Variants in ADGRE2 observed in about 807,000 individuals in gnomAD.
ADGRE2 encodes the protein adhesion G protein-coupled receptor E2.
Under a neutral mutation model 100.8 loss-of-function variants are expected in ADGRE2, and 83 were observed. The observed-to-expected ratio is 0.82, with a 90% CI of 0.69 to 0.99. The LOEUF is 0.99. ADGRE2 is among the 50% of genes least tolerant of loss of function. The probability of loss-of-function intolerance (pLI) is 0.00; values close to 1 mark genes in which losing one functional copy is unlikely to be tolerated. For synonymous variants in ADGRE2, 355 were observed against 413.0 expected (o/e 0.86, Z 1.70); for missense variants, 814 against 1,035.7 (o/e 0.79, Z 2.94).
At chr19:14,729,236 T>G (rs926669526), downstream of ADGRE2, among the ~76,000 whole-genome samples, 1 of 152,124 alleles carries the variant, frequency 6.6e-6, no homozygotes, top group Non-Finnish European at 1.5e-5. Flanking sequence ...ACTGTGACCT[T>G]ATTGGCCAGA....
chr19:14,735,376 C>G lies in ADGRE2; in HGVS notation c.*860G>C, dbSNP rs1264505712. The G allele has an allele frequency of 2.0e-5, 3 of 152,132 alleles. No individual in the cohort carries two copies. The highest frequency in any genetic ancestry group is 2.9e-5 in the Non-Finnish European group (2 of 68,042). 9.4% of individuals were successfully genotyped at this position (152,132 alleles called of 1,614,324 possible). The stretch of plus-strand genomic sequence containing the variant: ...AAGTGCTAGGATTACAGGGCATGAA[C>G]TGTGCCATACCCATCTTCGAGGTTT... On this transcript the variant is annotated 3_prime_UTR_variant, in exon 21 of 21. Coordinates refer to ENST00000315576, the MANE Select transcript of ADGRE2 (RefSeq NM_013447.4).
chr19:14,771,118 C>T (rs551994674), intron 5 of ADGRE2, among the ~76,000 whole-genome samples: 25 of 152,258 alleles, frequency 1.6e-4, no homozygotes, highest in Admixed American at 1.0e-3. Flanking sequence ...GCTCTCAGAA[C>T]GTACACCTCT....
rs1014571711 is a variant in ADGRE2, at chr19:14,758,719, C to T, written c.1085-2374G>A. ...ATAACACGGTGAAACCCCGTCTCTA[C>T]TAAAAATACAAAAAAATTAGCTGGG... On this transcript the variant is annotated intron_variant, in intron 11 of 20. Coordinates refer to ENST00000315576, the MANE Select transcript of ADGRE2 (RefSeq NM_013447.4). Among the ~76,000 whole-genome samples the T allele has an allele frequency of 4.6e-5, 7 of 152,076 alleles. No individual in the cohort carries two copies. In the South Asian group the frequency reaches 1.5e-3, roughly 32 times the overall value.
At chr19:14,740,825 C>G (rs1375646930) in intron 20 of ADGRE2, among the ~76,000 whole-genome samples, 1 of 152,136 alleles carries the variant, frequency 6.6e-6, no homozygotes, top group Admixed American at 6.5e-5. Context: ...TGGCCTTGAA[C>G]TCCTGGGCTC....
chr19:14,773,884 G>T, intron 4 of ADGRE2, 54 bp downstream of exon 4: 2 of 1,518,084 alleles, frequency 1.3e-6, no homozygotes, highest in Non-Finnish European at 1.8e-6. Context: ...CACTGGCACT[G>T]GGCTATGCCT....
At chr19:14,748,618 T>A (rs1169699462) in intron 16 of ADGRE2, among the ~76,000 whole-genome samples, 1 of 152,234 alleles carries the variant, frequency 6.6e-6, no homozygotes, top group Admixed American at 6.5e-5. Flanking sequence ...ATCTCCTTAT[T>A]CTTTATGGCT....
intron 14 of ADGRE2, among the ~76,000 whole-genome samples, chr19:14,753,112 T>G (rs1028895753): frequency 2.6e-5 from 4 of 152,002 alleles, no homozygotes; most frequent in African/African-American, 7.2e-5. Context: ...CTTTCTGTGT[T>G]GCACAGGCTG....
intron 14 of ADGRE2, among the ~76,000 whole-genome samples, chr19:14,753,027 C>G (rs1003849691): frequency 6.6e-6 from 1 of 152,058 alleles, no homozygotes; most frequent in African/African-American, 2.4e-5. Flanking sequence ...GCCTCGGCCT[C>G]CCAAAGTGCT....
intron 5 of ADGRE2, 86 bp downstream of exon 5, chr19:14,772,256 A>G (rs780209359): frequency 2.1e-4 from 336 of 1,571,020 alleles, no homozygotes; most frequent in Admixed American, 5.2e-4. Flanking sequence ...ATACTTGGGT[A>G]CCTGCTCCCT....
Position 14,752,508 on chromosome 19 carries a change from T to C in ADGRE2, c.1609A>G (p.Thr537Ala). The C allele has an allele frequency of 6.2e-7, 1 of 1,614,076 alleles. No homozygotes were observed. The highest frequency in any genetic ancestry group is 8.5e-7 in the Non-Finnish European group (1 of 1,179,982). The change falls in exon 15 of 21, where the codon ACT becomes GCT. Residue 537 changes from threonine (T) to alanine (A), a missense_variant. Thr to Ala is a moderately conservative substitution (Grantham distance 58). Coordinates refer to ENST00000315576, the MANE Select transcript of ADGRE2 (RefSeq NM_013447.4). The part of the protein sequence containing the change: ...YDVQEEDPVL[T>A]VITYMGLSVS... ...CTCAGCCCCATGTAGGTGATGACAG[T>C]CAGCACGGGATCCTCCTCCTGGGAC...
chr19:14,766,171 G>A (rs749060285), intron 7 of ADGRE2, 64 bp downstream of exon 7: 25 of 1,611,760 alleles, frequency 1.6e-5, no homozygotes, highest in African/African-American at 2.7e-5. Flanking sequence ...GTTTGTGTGG[G>A]CGCCGTTGAA....
chr19:14,752,083 G>C (rs192479956), intron 15 of ADGRE2, among the ~76,000 whole-genome samples: 1 of 151,768 alleles, frequency 6.6e-6, no homozygotes, highest in Non-Finnish European at 1.5e-5. Flanking sequence ...ACAGGTATGC[G>C]CCACCATGCC....
chr19:14,754,083 A>ATTATCTATCTATCTATCTATCT (rs1439966412), intron 14 of ADGRE2, among the ~76,000 whole-genome samples: 1 of 150,048 alleles, frequency 6.7e-6, no homozygotes, highest in African/African-American at 2.5e-5. Context: ...GCAGGCAGAA[A>ATTATCTATCTATCTATCTATCT]AATGTGAAAA....
chr19:14,750,176 A>G (rs910726866), intron 16 of ADGRE2, among the ~76,000 whole-genome samples: 3 of 119,586 alleles, frequency 2.5e-5, no homozygotes, highest in Non-Finnish European at 3.3e-5. Flanking sequence ...GCTATGTTAT[A>G]TAATTATTTA....
At chr19:14,757,879 C>A (rs948309965) in intron 11 of ADGRE2, among the ~76,000 whole-genome samples, 1 of 152,338 alleles carries the variant, frequency 6.6e-6, no homozygotes, top group Admixed American at 6.5e-5. Context: ...TCTCAGCTCA[C>A]TGCAACCTCC....
At chr19:14,758,296 T>A (rs999146254) in intron 11 of ADGRE2, among the ~76,000 whole-genome samples, 3 of 152,186 alleles carry the variant, frequency 2.0e-5, no homozygotes, top group African/African-American at 7.2e-5. Flanking sequence ...TATCAGAATG[T>A]TTAAAGAATG....
chr19:14,736,311 G>T lies in ADGRE2; in HGVS notation c.2464-67C>A, dbSNP rs919854763. ...AGTTTCACTCTTGTTGCCTGGGCTGGAGTGCAATGGCGCAGCCTCGACTCA... is the reference window on the plus strand; with the variant it reads ...AGTTTCACTCTTGTTGCCTGGGCTGTAGTGCAATGGCGCAGCCTCGACTCA... On this transcript the variant is annotated intron_variant, in intron 20 of 20. Transcript: ENST00000315576. 1.2e-4 allele frequency: 125 copies of T among 1,074,534 alleles called. 2 individuals are homozygous for T. Among genetic ancestry groups the T allele is most frequent in the Middle Eastern group, 4.2e-4 (2 of 4,714 alleles). The allele number at this position is 1,074,534 out of a possible 1,614,324, so 66.6% of individuals were successfully genotyped here. A position where few individuals can be genotyped will look rare whatever the true frequency, so the allele number is the denominator to read the frequency against.
intron 4 of ADGRE2, among the ~76,000 whole-genome samples, chr19:14,773,080 C>CAAAAAAAAAAAAAAAA (rs35688921): frequency 1.9e-3 from 88 of 45,714 alleles, no homozygotes; most frequent in African/African-American, 2.6e-3. Context: ...GACTCCATCT[C>CAAAAAAAAAAAAAAAA]AAAAAAAAAA....
At chr19:14,770,669 C>CTTTTCTTTTTCTTTTTTTTTTTTTTTTTT (rs1380079488) in intron 5 of ADGRE2, among the ~76,000 whole-genome samples, 3 of 85,012 alleles carry the variant, frequency 3.5e-5, no homozygotes, top group Non-Finnish European at 6.9e-5. Context: ...TCTTTCTTTT[C>CTTTTCTTTTTCTTTTTTTTTTTTTTTTTT]TTTTTTTTTT....
Sources: allele counts gnomAD v4.1 joint callset (sites outside exome capture counted in the v4.1 genomes callset), GRCh38; gene constraint gnomAD v4.1.1; transcripts MANE v1.5; gene names NCBI Gene and HGNC (gene_info 2026-07-23, HGNC 2026-07-21).